Variants in POMGNT1 observed in about 807,000 individuals in gnomAD.
The protein encoded by POMGNT1 is protein O-linked-mannose beta-1,2-N-acetylglucosaminyltransferase 1.
Under a neutral mutation model 95.6 loss-of-function variants are expected in POMGNT1, and 67 were observed. The ratio of observed to expected loss-of-function variants is 0.70; its 90% confidence interval spans 0.58 to 0.86. The LOEUF is 0.86. Ranked by LOEUF, POMGNT1 falls within the 40% of genes least tolerant of loss-of-function variation. The probability of loss-of-function intolerance (pLI) is 0.00; values close to 1 mark genes in which losing one functional copy is unlikely to be tolerated. For synonymous variants in POMGNT1, 298 were observed against 317.9 expected (o/e 0.94, Z 0.66); for missense variants, 719 against 855.2 (o/e 0.84, Z 1.99).
At chr1:46,194,510 C>T (rs1164649549) in intron 8 of POMGNT1, 43 bp downstream of exon 8, 2 of 1,614,050 alleles carry the variant, frequency 1.2e-6, no homozygotes, top group Non-Finnish European at 1.7e-6. Context: ...AAATGCCCAC[C>T]CCCAGCCCAG....
intron 1 of POMGNT1, chr1:46,203,655 G>A (rs940130507): frequency 1.9e-6 from 3 of 1,588,890 alleles, no homozygotes; most frequent in Non-Finnish European, 1.7e-6. Context: ...CCAAGGGGAC[G>A]AGTCCCTAGT....
Position 46,197,825 on chromosome 1 carries a change from G to A in POMGNT1, c.-4C>T, listed in dbSNP as rs374166454. 5.0e-6 allele frequency: 8 copies of A among 1,613,884 alleles called. No individual in the cohort carries two copies. Among genetic ancestry groups the A allele is most frequent in the South Asian group, 2.2e-5 (2 of 91,070 alleles). ...GGCTGGGCTTCCAGTCGTCCATACC[G>A]GATTGGCGGGTCACCAATGTCCTGG... On this transcript the variant is annotated 5_prime_UTR_variant, in exon 2 of 22. Coordinates refer to ENST00000371984, the MANE Select transcript of POMGNT1 (RefSeq NM_017739.4).
At position 46,197,792 on chromosome 1, in the gene POMGNT1, G is replaced by A. The variant is rs781102649; in HGVS notation, c.30C>T (p.Ile10=). The A allele has an allele frequency of 6.2e-7, 1 of 1,614,190 alleles. No individual in the cohort carries two copies. The highest frequency in any genetic ancestry group is 1.1e-5 in the South Asian group (1 of 91,090). ...GCTTCTTCCGAGCCCCAAAGGGCTTGATGAGGGGGCTGGGCTTCCAGTCGT... is the reference window on the plus strand; with the variant it reads ...GCTTCTTCCGAGCCCCAAAGGGCTTAATGAGGGGGCTGGGCTTCCAGTCGT... The part of the protein sequence containing the change: MDDWKPSPL[I]KPFGARKKRS... Residue 10 remains isoleucine (I), a synonymous_variant, in exon 2 of 22, where the codon ATC becomes ATT. Transcript: ENST00000371984.
At position 46,194,693 on chromosome 1, in the gene POMGNT1, C is replaced by A. The variant is rs200385963; in HGVS notation, c.653-42G>T. The A allele has an allele frequency of 5.2e-5, 84 of 1,614,244 alleles. No homozygotes were observed. The African/African-American group carries it at 1.0e-3, about 19-fold the overall frequency. Reference sequence around the variant, plus strand: ...ATGAGGGCCATGGGGGCCCAGACACCAGTTTGGGGGCTTTTTCCCATCTCC... The same window carrying A: ...ATGAGGGCCATGGGGGCCCAGACACAAGTTTGGGGGCTTTTTCCCATCTCC... On this transcript the variant is annotated intron_variant, in intron 7 of 21. Transcript: ENST00000371984.
At chr1:46,193,431 C>A (rs1475908446) in intron 11 of POMGNT1, 43 bp from the exon 12 acceptor site, 1 of 1,604,128 alleles carries the variant, frequency 6.2e-7, no homozygotes, top group Non-Finnish European at 8.5e-7. Context: ...GTCACTTTCC[C>A]TCTGCCCACC....
intron 1 of POMGNT1, among the ~76,000 whole-genome samples, chr1:46,215,485 C>T (rs1659037113): frequency 6.6e-6 from 1 of 152,120 alleles, no homozygotes; most frequent in Non-Finnish European, 1.5e-5. Flanking sequence ...GCTGTAAAAA[C>T]AGAACACTGG....
At chr1:46,208,703 C>T (rs879612312) in intron 1 of POMGNT1, among the ~76,000 whole-genome samples, 1 of 151,994 alleles carries the variant, frequency 6.6e-6, no homozygotes, top group African/African-American at 2.4e-5. Flanking sequence ...ATTAGCTGGA[C>T]GTGGTGGTGC....
chr1:46,189,996 T>C lies in POMGNT1; in HGVS notation c.1650-7A>G, dbSNP rs779828278. 1 of 1,613,648 alleles carries C rather than the reference T, an allele frequency of 6.2e-7. No individual in the cohort carries two copies. The highest frequency in any genetic ancestry group is 8.5e-7 in the Non-Finnish European group (1 of 1,179,914). On this transcript the variant is annotated splice_region_variant and splice_polypyrimidine_tract_variant and intron_variant, in intron 19 of 21. Transcript: ENST00000371984. ...GTCCAGAACCTCAGCCTCACTGCAGTAGAGGGTGGGAGAATATAGCCAAGA... is the reference window on the plus strand; with the variant it reads ...GTCCAGAACCTCAGCCTCACTGCAGCAGAGGGTGGGAGAATATAGCCAAGA...
intron 1 of POMGNT1, among the ~76,000 whole-genome samples, chr1:46,210,334 C>T (rs757611422): frequency 4.6e-5 from 7 of 152,004 alleles, no homozygotes; most frequent in Non-Finnish European, 8.8e-5. Context: ...CAGAAGACCC[C>T]AAAATATATG....
chr1:46,197,556 G>T, intron 2 of POMGNT1, 146 bp downstream of exon 2: 1 of 1,555,470 alleles, frequency 6.4e-7, no homozygotes, highest in Non-Finnish European at 8.8e-7. Context: ...TTACCTATAG[G>T]GACATGACAC....
chr1:46,192,793 G>GC (rs1393258523), intron 14 of POMGNT1, 107 bp downstream of exon 14: 10 of 1,586,992 alleles, frequency 6.3e-6, no homozygotes, highest in Non-Finnish European at 7.8e-6. Flanking sequence ...CCCAGGCTTC[G>GC]CCCCCACTTG....
At chr1:46,194,037 G>A (rs1444835833) in intron 9 of POMGNT1, 112 bp from the exon 10 acceptor site, 1 of 1,562,654 alleles carries the variant, frequency 6.4e-7, no homozygotes, top group Non-Finnish European at 8.7e-7. Flanking sequence ...AGACAGGGAA[G>A]GGATAGAGGA....
intron 1 of POMGNT1, among the ~76,000 whole-genome samples, chr1:46,207,581 C>G (rs1339279952): frequency 6.6e-6 from 1 of 151,792 alleles, no homozygotes. Context: ...CTCTGTCGCC[C>G]AGGCTGGAGT....
rs1206742676 is a variant in POMGNT1 at position 46,189,222 on chromosome 1, A to G, written c.*48T>C. On this transcript the variant is annotated 3_prime_UTR_variant, in exon 22 of 22. Transcript: ENST00000371984. ...TACAGGATGGAGGGAAGGGCTAGCC[A>G]GCCTGGGGGTACACAGTACCCAGCC... 1 of 1,579,282 alleles carries G rather than the reference A, an allele frequency of 6.3e-7. No homozygotes were observed. Among genetic ancestry groups the G allele is most frequent in the Admixed American group, 1.9e-5 (1 of 52,276 alleles).
At position 46,192,098 on chromosome 1, in the gene POMGNT1, G is replaced by A. The variant is rs569297597; in HGVS notation, c.1539C>T (p.His513=). 38 of 1,613,582 alleles carry A rather than the reference G, an allele frequency of 2.4e-5. No individual in the cohort carries two copies. The highest frequency in any genetic ancestry group is 1.1e-4 in the East Asian group (5 of 44,880). Residue 513 remains histidine, a splice_region_variant and synonymous_variant, in exon 17 of 22, where the codon CAC becomes CAT. Coordinates refer to ENST00000371984, the MANE Select transcript of POMGNT1 (RefSeq NM_017739.4). ...IVGLNMNGYF[H]EAYFKKHKFN... is the part of the protein sequence containing the mutation. ...GCCCTGCTCCCTGCCTCCCACTCACGTGAAAGTAGCCATTCATGTTGAGGC... is the reference window on the plus strand; with the variant it reads ...GCCCTGCTCCCTGCCTCCCACTCACATGAAAGTAGCCATTCATGTTGAGGC...
At chr1:46,203,384 C>G (rs180905105), upstream of POMGNT1, 18 of 1,429,428 alleles carry the variant, frequency 1.3e-5, no homozygotes, top group African/African-American at 1.5e-5. Context: ...GGGAGCCGGT[C>G]CCCGGCGTCC....
In POMGNT1 at chr1:46,188,694, T is replaced by C. The variant is rs1472200617; in HGVS notation, c.*576A>G. 6.3e-7 allele frequency: 1 copy of C among 1,595,166 alleles called. No homozygotes were observed. On this transcript the variant is annotated 3_prime_UTR_variant, in exon 22 of 22. Transcript: ENST00000371984. ...AATCACAAGACATCCCCAGAGGGCT[T>C]CTCCTTTTTTAATCAATGACCAACT...
At chr1:46,209,820 A>T (rs569175427) in intron 1 of POMGNT1, among the ~76,000 whole-genome samples, 92 of 152,126 alleles carry the variant, frequency 6.0e-4, no homozygotes, top group African/African-American at 2.2e-3. Context: ...TGTAGATGTA[A>T]ATTTTGGAAA....
chr1:46,203,355 C>T, upstream of POMGNT1: 13 of 1,368,340 alleles, frequency 9.5e-6, no homozygotes, highest in Non-Finnish European at 1.3e-5. Flanking sequence ...GCTTTAGCAG[C>T]GGCGAAGGGA....
Sources: allele counts gnomAD v4.1 joint callset (sites outside exome capture counted in the v4.1 genomes callset), GRCh38; gene constraint gnomAD v4.1.1; transcripts MANE v1.5; gene names NCBI Gene and HGNC (gene_info 2026-07-23, HGNC 2026-07-21).